The following XPO7 variants were observed in gnomAD, a reference collection of about 807,000 sequenced individuals.
XPO7 encodes the protein exportin-7.
A neutral mutation model predicts 144.3 loss-of-function variants in XPO7; 21 were observed. That is an observed-to-expected ratio of 0.15 (90% CI 0.10 to 0.21). The LOEUF (loss-of-function observed/expected upper bound fraction) is 0.21, where lower values mean the gene tolerates loss of function less well. Among genes scored for constraint, XPO7 ranks in the 10% least tolerant of loss-of-function variants. The pLI is 1.00. For synonymous variants in XPO7, 580 were observed against 499.6 expected (o/e 1.16, Z -2.15); for missense variants, 808 against 1,325.8 (o/e 0.61, Z 6.06).
chr8:22,001,392 T>C lies in XPO7; in HGVS notation c.2783-720T>C, dbSNP rs1813142040. On this transcript the variant is annotated intron_variant, in intron 24 of 27. Coordinates refer to ENST00000252512, the MANE Select transcript of XPO7 (RefSeq NM_015024.5). ...CCGTAGGAATCAGAGACTTGTTTAC[T>C]CTTTTAAGGGTTCAGCCCCTTTGTC... 3.3e-5 allele frequency among the ~76,000 whole-genome samples: 5 copies of C among 152,282 alleles called. No individual in the cohort carries two copies. In the South Asian group the frequency reaches 1.0e-3, roughly 32 times the overall value.
intron 19 of XPO7, among the ~76,000 whole-genome samples, chr8:21,992,872 G>T (rs776659878): frequency 1.3e-5 from 2 of 152,152 alleles, no homozygotes; most frequent in Non-Finnish European, 2.9e-5. Context: ...GTTACTATTG[G>T]TAGGACTTTT....
intron 16 of XPO7, 41 bp from the exon 17 acceptor site, chr8:21,990,303 C>T (rs1328717780): frequency 1.2e-6 from 2 of 1,603,316 alleles, no homozygotes; most frequent in African/African-American, 1.3e-5. Flanking sequence ...AGAGTTTCGG[C>T]CTGCTTCACA....
chr8:21,939,225 C>CTTT (rs11436869), intron 1 of XPO7, among the ~76,000 whole-genome samples: 6 of 142,636 alleles, frequency 4.2e-5, no homozygotes, highest in African/African-American at 5.2e-5. Context: ...TTTTTCTTTT[C>CTTT]TTTTTTTTTT....
intron 21 of XPO7, among the ~76,000 whole-genome samples, 190 bp from the exon 22 acceptor site, chr8:21,998,565 G>A (rs1813030979): frequency 6.6e-6 from 1 of 152,020 alleles, no homozygotes; most frequent in South Asian, 2.1e-4. Context: ...AATCTAGCAT[G>A]TTGGTCTTCA....
At chr8:21,921,296 A>G (rs961113151) in intron 1 of XPO7, 1 of 152,228 alleles carries the variant, frequency 6.6e-6, no homozygotes, top group African/African-American at 2.4e-5. Flanking sequence ...CAAAAACCAA[A>G]GCACAAGAAT....
At chr8:21,957,654 T>C (rs965488635) in intron 1 of XPO7, among the ~76,000 whole-genome samples, 3 of 152,200 alleles carry the variant, frequency 2.0e-5, no homozygotes, top group African/African-American at 7.2e-5. Flanking sequence ...CAATCTGCCA[T>C]TTTAATATGA....
intron 1 of XPO7, among the ~76,000 whole-genome samples, chr8:21,920,864 A>T (rs553608150): frequency 6.6e-6 from 1 of 152,340 alleles, no homozygotes; most frequent in East Asian, 1.9e-4. Flanking sequence ...CTGTGGCATC[A>T]TTCCTCAAGT....
At position 21,984,407 on chromosome 8, in the gene XPO7, A is replaced by G. The variant is rs556754706; in HGVS notation, c.1278-239A>G. Among the ~76,000 whole-genome samples the G allele has an allele frequency of 1.2e-4, 19 of 152,242 alleles. No individual in the cohort carries two copies. The East Asian group carries it at 3.3e-3, about 26-fold the overall frequency. On this transcript the variant is annotated intron_variant, in intron 11 of 27. Transcript: ENST00000252512. ...AGGCAGAAAAACATTAAGAGTTGAGAATTCAGATTGTAAGATTTGACACCA... is the reference window on the plus strand; with the variant it reads ...AGGCAGAAAAACATTAAGAGTTGAGGATTCAGATTGTAAGATTTGACACCA...
chr8:21,932,500 T>TTTC (rs2117251148), intron 1 of XPO7, among the ~76,000 whole-genome samples: 1 of 152,338 alleles, frequency 6.6e-6, no homozygotes, highest in East Asian at 1.9e-4. Flanking sequence ...TGCTTTTATC[T>TTTC]TTCTTCCCTT....
At chr8:21,956,030 G>A (rs913039277) in intron 1 of XPO7, among the ~76,000 whole-genome samples, 5 of 151,894 alleles carry the variant, frequency 3.3e-5, no homozygotes, top group Non-Finnish European at 7.4e-5. Flanking sequence ...CCCAGCCCCC[G>A]TGCTTACCTT....
chr8:21,975,451 C>T (rs184986842), intron 6 of XPO7, among the ~76,000 whole-genome samples: 13 of 152,264 alleles, frequency 8.5e-5, no homozygotes, highest in South Asian at 4.1e-4. Context: ...TAACACAGCT[C>T]GGATGCTTTA....
intron 22 of XPO7, 62 bp from the exon 23 acceptor site, chr8:21,999,029 A>G (rs1281263722): frequency 6.3e-7 from 1 of 1,590,718 alleles, no homozygotes; most frequent in Non-Finnish European, 8.6e-7. Flanking sequence ...TGGAGTAGGA[A>G]GGCTGATCTA....
chr8:21,995,744 G>C (rs963278210), intron 21 of XPO7, 145 bp downstream of exon 21: 20 of 594,392 alleles, frequency 3.4e-5, no homozygotes, highest in African/African-American at 3.0e-4. Context: ...GTTTTTGTTT[G>C]TGTGAAAGAA....
intron 20 of XPO7, 148 bp from the exon 21 acceptor site, chr8:21,995,344 G>GT (rs1585479855): frequency 4.7e-6 from 3 of 642,334 alleles, no homozygotes; most frequent in Non-Finnish European, 8.0e-6. Context: ...GTATCTTCTG[G>GT]TTAGAAAGAC....
rs1304469327 is a variant in XPO7 at position 22,002,193 on chromosome 8, A to G, written c.2864A>G (p.Lys955Arg). Residue 955 changes from lysine to arginine, a missense_variant, in exon 25 of 28, where the codon AAG (lysine) becomes AGG (arginine). Coordinates refer to ENST00000252512, the MANE Select transcript of XPO7 (RefSeq NM_015024.5). ...TTCAAGCAGCTGTCACGTAGCACCA[A>G]GAAGAGGACCACACCCCTGAACCAG... ...YLFKQLSRST[K>R]KRTTPLNQES... The G allele has an allele frequency of 6.2e-7, 1 of 1,613,306 alleles. No homozygotes were observed. The highest frequency in any genetic ancestry group is 8.5e-7 in the Non-Finnish European group (1 of 1,179,654).
chr8:21,933,527 G>A (rs555857140), intron 1 of XPO7, among the ~76,000 whole-genome samples: 1 of 152,114 alleles, frequency 6.6e-6, no homozygotes, highest in Non-Finnish European at 1.5e-5. Flanking sequence ...CTGAGTACAT[G>A]TACAAGTCTG....
At chr8:21,975,612 A>C (rs1812200572) in intron 6 of XPO7, among the ~76,000 whole-genome samples, 1 of 152,186 alleles carries the variant, frequency 6.6e-6, no homozygotes, top group Non-Finnish European at 1.5e-5. Context: ...TTTTTCCTCA[A>C]TTACTTAGTT....
intron 2 of XPO7, among the ~76,000 whole-genome samples, chr8:21,967,507 T>G (rs1585449984): frequency 6.6e-6 from 1 of 152,116 alleles, no homozygotes; most frequent in East Asian, 1.9e-4. Context: ...ATTTTGTATT[T>G]TTTTTAGTAG....
At chr8:21,972,003 T>TCCC (rs1812077860) in intron 5 of XPO7, 62 bp downstream of exon 5, 1 of 1,515,758 alleles carries the variant, frequency 6.6e-7, no homozygotes, top group Non-Finnish European at 9.1e-7. Context: ...ATTGGTGTTT[T>TCCC]CTGCTGTGTG....
Sources: gnomAD v4.1 joint callset for allele counts (sites outside exome capture counted in the v4.1 genomes callset) on GRCh38, gnomAD v4.1.1 for gene constraint, MANE v1.5 for transcripts, NCBI Gene and HGNC (gene_info 2026-07-23, HGNC 2026-07-21) for gene names.